The following LIPA variants were observed in gnomAD, a reference collection of about 807,000 sequenced individuals.
LIPA encodes lysosomal acid lipase/cholesteryl ester hydrolase.
Under a neutral mutation model 40.6 loss-of-function variants are expected in LIPA, and 26 were observed. That is an observed-to-expected ratio of 0.64 (90% CI 0.47 to 0.89). The LOEUF is 0.89. Among genes scored for constraint, LIPA ranks in the 40% least tolerant of loss-of-function variants. The pLI, the probability that LIPA is intolerant of heterozygous loss-of-function variation, is 0.00. For synonymous variants in LIPA, 188 were observed against 168.4 expected (o/e 1.12, Z -0.90); for missense variants, 455 against 479.6 (o/e 0.95, Z 0.48).
chr10:89,310,896 A>G (rs1043939446), intron 1 of LIPA, among the ~76,000 whole-genome samples: 3 of 152,262 alleles, frequency 2.0e-5, no homozygotes, highest in Admixed American at 6.5e-5. Context: ...TTTTGGAAAC[A>G]TAATGAGTCA....
At chr10:89,358,959 G>C (rs1421052354) in intron 2 of LIPA, among the ~76,000 whole-genome samples, 1 of 152,144 alleles carries the variant, frequency 6.6e-6, no homozygotes, top group African/African-American at 2.4e-5. Context: ...TGAGATGATG[G>C]ACATCCCAAT....
chr10:89,353,484 C>A (rs1564798129), intron 2 of LIPA, among the ~76,000 whole-genome samples: 1 of 151,990 alleles, frequency 6.6e-6, no homozygotes, highest in Non-Finnish European at 1.5e-5. Flanking sequence ...AACGAAAGAC[C>A]CCAGAAGCAT....
intron 8 of LIPA, among the ~76,000 whole-genome samples, chr10:89,221,866 A>G (rs912886235): frequency 6.6e-6 from 1 of 152,204 alleles, no homozygotes; most frequent in Non-Finnish European, 1.5e-5. Flanking sequence ...ATGGATATGC[A>G]TTTCCTCTCT....
intron 2 of LIPA, among the ~76,000 whole-genome samples, chr10:89,353,970 A>G (rs963444198): frequency 6.6e-6 from 1 of 152,054 alleles, no homozygotes; most frequent in Non-Finnish European, 1.5e-5. Flanking sequence ...AAGTGCATTC[A>G]AGTACTTCAC....
intron 2 of LIPA, chr10:89,383,526 C>G (rs1468846010): frequency 6.2e-7 from 1 of 1,614,112 alleles, no homozygotes; most frequent in Non-Finnish European, 8.5e-7. Context: ...ATGAGGAAGC[C>G]CTGGTCAGCT....
At chr10:89,338,614 G>A (rs776359805) in intron 1 of LIPA, 11 of 1,554,752 alleles carry the variant, frequency 7.1e-6, no homozygotes, top group Non-Finnish European at 9.6e-6. Flanking sequence ...ACAGGGTGCA[G>A]TGCTTGGCAG....
chr10:89,380,902 T>G (rs1844157812), intron 2 of LIPA, among the ~76,000 whole-genome samples: 2 of 152,190 alleles, frequency 1.3e-5, no homozygotes, highest in Non-Finnish European at 2.9e-5. Context: ...AGATACATGT[T>G]GATGAACAAC....
intron 1 of LIPA, among the ~76,000 whole-genome samples, chr10:89,293,949 C>T (rs1437761331): frequency 9.9e-5 from 15 of 152,174 alleles, no homozygotes; most frequent in Admixed American, 9.8e-4. Flanking sequence ...CCATCTCTTC[C>T]TGATAGAATA....
At chr10:89,370,687 G>A (rs1844086633) in intron 2 of LIPA, among the ~76,000 whole-genome samples, 2 of 152,154 alleles carry the variant, frequency 1.3e-5, no homozygotes, top group African/African-American at 4.8e-5. Flanking sequence ...ACCTCTGGAT[G>A]TCAGTAGCAC....
chr10:89,230,832 C>G (rs1301501810), intron 3 of LIPA, among the ~76,000 whole-genome samples: 1 of 152,174 alleles, frequency 6.6e-6, no homozygotes, highest in Non-Finnish European at 1.5e-5. Flanking sequence ...TCAACTCATA[C>G]TATTAAGTTG....
intron 3 of LIPA, among the ~76,000 whole-genome samples, chr10:89,239,140 G>A (rs1425471813): frequency 6.6e-6 from 1 of 152,166 alleles, no homozygotes; most frequent in East Asian, 1.9e-4. Flanking sequence ...ACAGCTCTCT[G>A]AGTTGCTGTA....
Position 89,226,984 on chromosome 10 carries a change from T to C in LIPA, c.449A>G (p.Tyr150Cys), listed in dbSNP as rs751257648. 1.2e-6 allele frequency: 2 copies of C among 1,611,504 alleles called. No homozygotes were observed. Among genetic ancestry groups the C allele is most frequent in the Admixed American group, 1.7e-5 (1 of 60,020 alleles). Residue 150 changes from tyrosine (Y) to cysteine (C), a missense_variant, in exon 5 of 10, where the codon TAT becomes TGT. Tyr to Cys is a radical substitution (Grantham distance 194). Coordinates refer to ENST00000336233, the MANE Select transcript of LIPA (RefSeq NM_000235.4). Reference protein sequence around the residue: ...WAFSYDEMAKYDLPASINFIL... With the variant: ...WAFSYDEMAKCDLPASINFIL... ...GAAGTTAATGGAAGCTGGTAGGTCA[T>C]ATTTTGCCATCTCATCATAACTGTA...
intron 1 of LIPA, among the ~76,000 whole-genome samples, chr10:89,295,020 T>TAAGGAAAGGAAAGGAAAG (rs1843404400): frequency 1.9e-5 from 2 of 106,616 alleles, no homozygotes; most frequent in South Asian, 7.6e-4. Context: ...GGAAATGAAA[T>TAAGGAAAGGAAAGGAAAG]GAAAGGAAAG....
At chr10:89,314,337 A>G (rs755025010) in intron 1 of LIPA, among the ~76,000 whole-genome samples, 2 of 152,258 alleles carry the variant, frequency 1.3e-5, no homozygotes, top group Non-Finnish European at 2.9e-5. Flanking sequence ...TTGACTCCAT[A>G]TGTAAGTTCA....
Position 89,287,844 on chromosome 10 carries a change from C to G in LIPA, c.-1-40195G>C, listed in dbSNP as rs374864219. ...GGTTAGTTCAGGATCCGCACCTTAT[C>G]AACCAAATTGTTTTGCCTATCCACC... On this transcript the variant is annotated intron_variant, in intron 1 of 5. Transcript: ENST00000282673. 2.2e-4 allele frequency among the ~76,000 whole-genome samples: 34 copies of G among 152,322 alleles called. No individual in the cohort carries two copies. In the South Asian group the frequency reaches 6.4e-3, roughly 29 times the overall value.
At chr10:89,295,010 G>T (rs752361113) in intron 1 of LIPA, among the ~76,000 whole-genome samples, 15 of 120,372 alleles carry the variant, frequency 1.2e-4, no homozygotes, top group Admixed American at 7.8e-4. Flanking sequence ...AGAAAGGAAA[G>T]GAAATGAAAT....
At chr10:89,300,273 G>T (rs960074479) in intron 1 of LIPA, among the ~76,000 whole-genome samples, 13 of 152,184 alleles carry the variant, frequency 8.5e-5, no homozygotes, top group Non-Finnish European at 1.6e-4. Flanking sequence ...GGGAAGGGGG[G>T]TGGTGGGAAG....
upstream of LIPA, among the ~76,000 whole-genome samples, chr10:89,255,529 C>T (rs897124171): frequency 6.6e-6 from 1 of 152,150 alleles, no homozygotes; most frequent in Non-Finnish European, 1.5e-5. Context: ...AGAAGGCTAC[C>T]ACAATAGTCC....
Position 89,223,647 on chromosome 10 carries a change from A to T in LIPA, c.822+37T>A, listed in dbSNP as rs753945482. 4.9e-5 allele frequency: 45 copies of T among 909,518 alleles called. No individual in the cohort carries two copies. Among genetic ancestry groups the T allele is most frequent in the South Asian group, 2.7e-4 (15 of 55,102 alleles). The allele number at this position is 909,518 out of a possible 1,614,324, so 56.3% of individuals were successfully genotyped here. ...AACACAAATAAGCACATTCACAGATAAAAAAAAAAATCAAATCTTACTATA... is the reference window on the plus strand; with the variant it reads ...AACACAAATAAGCACATTCACAGATTAAAAAAAAAATCAAATCTTACTATA... On this transcript the variant is annotated intron_variant, in intron 7 of 9. Coordinates refer to ENST00000336233, the MANE Select transcript of LIPA (RefSeq NM_000235.4).
Sources: allele counts gnomAD v4.1 joint callset (sites outside exome capture counted in the v4.1 genomes callset), GRCh38; gene constraint gnomAD v4.1.1; transcripts MANE v1.5; gene names NCBI Gene and HGNC (gene_info 2026-07-23, HGNC 2026-07-21).